CYB5B: variants seen among roughly 807,000 people sequenced by gnomAD.
CYB5B encodes cytochrome b5 type B.
CYB5B carries 14 observed loss-of-function variants against 21.3 expected under a neutral mutation model. The observed-to-expected ratio is 0.66, with a 90% CI of 0.43 to 1.03. The LOEUF (loss-of-function observed/expected upper bound fraction) is 1.03, where lower values mean the gene tolerates loss of function less well. CYB5B is among the 50% of genes least tolerant of loss of function. The pLI is 0.00. For synonymous variants in CYB5B, 69 were observed against 68.4 expected (o/e 1.01, Z -0.04); for missense variants, 166 against 185.1 (o/e 0.90, Z 0.60).
At chr16:69,455,400 CTTT>C (rs67183796) in intron 3 of CYB5B, among the ~76,000 whole-genome samples, 32 of 122,952 alleles carry the variant, frequency 2.6e-4, no homozygotes, top group Non-Finnish European at 2.9e-4. Flanking sequence ...TTGTTGTTCT[CTTT>C]TTTTTTTTTT....
intron 1 of CYB5B, among the ~76,000 whole-genome samples, chr16:69,446,582 C>A (rs1873801736): frequency 6.6e-6 from 1 of 152,152 alleles, no homozygotes; most frequent in Admixed American, 6.5e-5. Flanking sequence ...CCTTGGCCTC[C>A]CAAAGTGCTG....
chr16:69,439,415 T>A (rs754665307), intron 1 of CYB5B, among the ~76,000 whole-genome samples: 2 of 152,204 alleles, frequency 1.3e-5, no homozygotes, highest in Non-Finnish European at 2.9e-5. Context: ...TTCACTATGT[T>A]GGCCAGGATG....
intron 4 of CYB5B, 85 bp from the exon 5 acceptor site, chr16:69,462,345 A>G (rs1203536730): frequency 1.8e-6 from 2 of 1,085,720 alleles, no homozygotes; most frequent in South Asian, 1.3e-5. Context: ...CTCCTTGCCT[A>G]TATAAAAACA....
intron 1 of CYB5B, among the ~76,000 whole-genome samples, chr16:69,429,436 G>A (rs1009728789): frequency 2.0e-5 from 3 of 152,070 alleles, no homozygotes; most frequent in African/African-American, 7.2e-5. Context: ...CAATCCTTTA[G>A]CTAGACACAG....
chr16:69,432,570 T>A (rs1362969993), intron 1 of CYB5B, among the ~76,000 whole-genome samples: 1 of 152,212 alleles, frequency 6.6e-6, no homozygotes, highest in Non-Finnish European at 1.5e-5. Flanking sequence ...TACAAATATA[T>A]ACAGAAATAG....
At chr16:69,432,546 T>C (rs1416182439) in intron 1 of CYB5B, among the ~76,000 whole-genome samples, 1 of 152,218 alleles carries the variant, frequency 6.6e-6, no homozygotes, top group Non-Finnish European at 1.5e-5. Context: ...TATATACTTA[T>C]ATATACAAAT....
Position 69,447,262 on chromosome 16 carries a change from T to A in CYB5B, c.287T>A (p.Ile96Asn). The part of the protein sequence containing the change: ...DAREMLKQYY[I>N]GDIHPSDLKP... ...AGAGAAATGCTAAAGCAGTACTACA[T>A]TGGTGATATCCATCCGGTAAGAACT... Residue 96 changes from isoleucine (I) to asparagine (N), a missense_variant, in exon 2 of 5, where the codon ATT becomes AAT. Physicochemically the swap from Ile to Asn is moderately radical, Grantham distance 149 (BLOSUM62 -3). Coordinates refer to ENST00000307892, the MANE Select transcript of CYB5B (RefSeq NM_030579.3). 1 of 1,613,908 alleles carries A rather than the reference T, an allele frequency of 6.2e-7. No homozygotes were observed. Among genetic ancestry groups the A allele is most frequent in the African/African-American group, 1.3e-5 (1 of 75,036 alleles).
chr16:69,465,197 AGCTGCT>A lies in CYB5B; in HGVS notation c.*2695_*2700del, dbSNP rs762583208. ...CGGTTGTTTATTCCTGAGGAAGACT[AGCTGCT>A]GCTGCTGCTGCTGCTGCAAACTGTA... On this transcript the variant is annotated 3_prime_UTR_variant, in exon 5 of 5. Transcript: ENST00000307892. 3.2e-5 allele frequency: 5 copies of A among 157,504 alleles called. No individual in the cohort carries two copies. Among genetic ancestry groups the A allele is most frequent in the Admixed American group, 1.3e-4 (2 of 15,328 alleles). 9.8% of individuals were successfully genotyped at this position (157,504 alleles called of 1,614,324 possible). A position where few individuals can be genotyped will look rare whatever the true frequency, so the allele number is the denominator to read the frequency against.
At chr16:69,444,604 G>C (rs2142818712) in intron 1 of CYB5B, among the ~76,000 whole-genome samples, 1 of 151,914 alleles carries the variant, frequency 6.6e-6, no homozygotes, top group East Asian at 1.9e-4. Context: ...CCATATTTTA[G>C]AGTGAAAGTT....
intron 4 of CYB5B, among the ~76,000 whole-genome samples, chr16:69,460,884 A>G (rs2015028577): frequency 6.6e-6 from 1 of 152,232 alleles, no homozygotes; most frequent in African/African-American, 2.4e-5. Flanking sequence ...GTCTTATGGT[A>G]GGAAGTTATT....
At chr16:69,461,340 A>G (rs936018563) in intron 4 of CYB5B, among the ~76,000 whole-genome samples, 1 of 152,214 alleles carries the variant, frequency 6.6e-6, no homozygotes, top group Non-Finnish European at 1.5e-5. Flanking sequence ...AGATTACTTC[A>G]GAGTTCCCAT....
chr16:69,424,631 C>T lies in CYB5B; in HGVS notation c.-53C>T. On this transcript the variant is annotated 5_prime_UTR_variant, in exon 1 of 5. Transcript: ENST00000307892. Reference sequence around the variant, plus strand: ...TACGGAAGCCGAGGAAGGCTGAGCGCGGGCTCTCAAGGAAAGTAGTCGCGG... The same window carrying T: ...TACGGAAGCCGAGGAAGGCTGAGCGTGGGCTCTCAAGGAAAGTAGTCGCGG... 6.7e-7 allele frequency: 1 copy of T among 1,489,410 alleles called. No homozygotes were observed. The highest frequency in any genetic ancestry group is 9.0e-7 in the Non-Finnish European group (1 of 1,116,354). The allele number at this position is 1,489,410 out of a possible 1,614,324, so 92.3% of individuals were successfully genotyped here.
chr16:69,457,469 C>A (rs1209068383), intron 3 of CYB5B, among the ~76,000 whole-genome samples: 1 of 151,986 alleles, frequency 6.6e-6, no homozygotes, highest in Non-Finnish European at 1.5e-5. Flanking sequence ...GCATAAAAGA[C>A]CATGAACATT....
chr16:69,437,704 A>G (rs1275195060), intron 1 of CYB5B, among the ~76,000 whole-genome samples: 1 of 152,134 alleles, frequency 6.6e-6, no homozygotes, highest in African/African-American at 2.4e-5. Context: ...CATCACCACC[A>G]TCTATTTCCA....
chr16:69,430,423 G>A (rs2014694147), intron 1 of CYB5B, among the ~76,000 whole-genome samples: 1 of 152,062 alleles, frequency 6.6e-6, no homozygotes, highest in African/African-American at 2.4e-5. Context: ...GTTTCATCAT[G>A]TTGCCCAGGC....
chr16:69,457,112 G>GA (rs955900794), intron 3 of CYB5B, among the ~76,000 whole-genome samples: 1 of 152,132 alleles, frequency 6.6e-6, no homozygotes, highest in African/African-American at 2.4e-5. Context: ...TTAGTTCAAA[G>GA]AACACCATAT....
chr16:69,429,686 A>G (rs146944416), intron 1 of CYB5B, among the ~76,000 whole-genome samples: 3 of 152,302 alleles, frequency 2.0e-5, no homozygotes, highest in Admixed American at 1.3e-4. Flanking sequence ...GGAAGAGCCA[A>G]TAGGATTTAA....
In CYB5B at chr16:69,462,617, A is replaced by G. The variant is rs754990243; in HGVS notation, c.*97A>G. On this transcript the variant is annotated 3_prime_UTR_variant, in exon 5 of 5. Transcript: ENST00000307892. Reference sequence around the variant, plus strand: ...AAGTGCCCTCTCCTCGAATCCTGCCAGTTGCATTCTTCCCCCTTGGAGCCA... The same window carrying G: ...AAGTGCCCTCTCCTCGAATCCTGCCGGTTGCATTCTTCCCCCTTGGAGCCA... 2.0e-6 allele frequency: 2 copies of G among 977,380 alleles called. No individual in the cohort carries two copies. The allele number at this position is 977,380 out of a possible 1,614,324, so 60.5% of individuals were successfully genotyped here. A position where few individuals can be genotyped will look rare whatever the true frequency, so the allele number is the denominator to read the frequency against.
At chr16:69,461,086 G>A (rs547676293) in intron 4 of CYB5B, among the ~76,000 whole-genome samples, 1 of 152,122 alleles carries the variant, frequency 6.6e-6, no homozygotes, top group Non-Finnish European at 1.5e-5. Context: ...GCCGAGGTGG[G>A]TGGATCACGA....
Sources: allele counts gnomAD v4.1 joint callset (sites outside exome capture counted in the v4.1 genomes callset), GRCh38; gene constraint gnomAD v4.1.1; transcripts MANE v1.5; gene names NCBI Gene and HGNC (gene_info 2026-07-23, HGNC 2026-07-21).